CNTNAP5: variants seen among roughly 807,000 people sequenced by gnomAD.
CNTNAP5 encodes the protein contactin-associated protein-like 5.
A neutral mutation model predicts 150.2 loss-of-function variants in CNTNAP5; 72 were observed. That is an observed-to-expected ratio of 0.48 (90% CI 0.40 to 0.58). The LOEUF is 0.58. CNTNAP5 is among the 20% of genes least tolerant of loss of function. The pLI, the probability that CNTNAP5 is intolerant of heterozygous loss-of-function variation, is 0.00. For synonymous variants in CNTNAP5, 672 were observed against 619.8 expected (o/e 1.08, Z -1.25); for missense variants, 1,636 against 1,626.2 (o/e 1.01, Z -0.10).
intron 3 of CNTNAP5, among the ~76,000 whole-genome samples, chr2:124,267,111 T>C (rs1452145694): frequency 1.3e-5 from 2 of 152,154 alleles, no homozygotes; most frequent in Non-Finnish European, 2.9e-5. Context: ...TTTTAAAGAC[T>C]GCCTGCCCCT....
At chr2:124,442,322 C>A (rs1196649791) in intron 5 of CNTNAP5, among the ~76,000 whole-genome samples, 1 of 152,156 alleles carries the variant, frequency 6.6e-6, no homozygotes, top group Non-Finnish European at 1.5e-5. Context: ...TAACCTACTA[C>A]TAGAAGCTTT....
chr2:124,291,045 C>G (rs566596543), intron 3 of CNTNAP5, among the ~76,000 whole-genome samples: 1 of 152,106 alleles, frequency 6.6e-6, no homozygotes, highest in Admixed American at 6.6e-5. Context: ...TGCAACTGAG[C>G]AGAGATATAA....
chr2:124,107,326 T>C (rs1289523477), intron 1 of CNTNAP5, among the ~76,000 whole-genome samples: 4 of 152,198 alleles, frequency 2.6e-5, no homozygotes, highest in Admixed American at 6.5e-5. Flanking sequence ...AGACCACATT[T>C]TGAATCTTCT....
intron 1 of CNTNAP5, among the ~76,000 whole-genome samples, chr2:124,169,268 G>T (rs1458069733): frequency 1.3e-5 from 2 of 152,068 alleles, no homozygotes; most frequent in Non-Finnish European, 2.9e-5. Context: ...CTGGGTTAGG[G>T]ACTGGCTCGG....
At chr2:124,250,154 G>T (rs1687136760) in intron 3 of CNTNAP5, among the ~76,000 whole-genome samples, 1 of 152,104 alleles carries the variant, frequency 6.6e-6, no homozygotes, top group Non-Finnish European at 1.5e-5. Context: ...GTAAAGGAGA[G>T]ATTTCTCAAA....
intron 11 of CNTNAP5, among the ~76,000 whole-genome samples, chr2:124,567,815 G>A (rs892551249): frequency 8.0e-5 from 12 of 150,176 alleles, no homozygotes; most frequent in African/African-American, 2.2e-4. Flanking sequence ...GTTTTTGATT[G>A]TGGGATATTA....
chr2:124,193,689 G>A (rs1203552074), intron 1 of CNTNAP5, among the ~76,000 whole-genome samples: 3 of 152,110 alleles, frequency 2.0e-5, no homozygotes, highest in South Asian at 2.1e-4. Context: ...AGGAGGGAGC[G>A]AAATTTCACC....
chr2:124,863,166 T>G (rs1057067865), intron 19 of CNTNAP5, among the ~76,000 whole-genome samples: 1 of 152,172 alleles, frequency 6.6e-6, no homozygotes, highest in Non-Finnish European at 1.5e-5. Flanking sequence ...TCAACAGCCT[T>G]AAGGAATGTG....
At chr2:124,252,763 C>T (rs1687218081) in intron 3 of CNTNAP5, among the ~76,000 whole-genome samples, 2 of 151,978 alleles carry the variant, frequency 1.3e-5, no homozygotes, top group African/African-American at 4.8e-5. Context: ...TATAACATTG[C>T]TAAAAGACTT....
chr2:124,599,347 AT>A (rs769864380), intron 11 of CNTNAP5, among the ~76,000 whole-genome samples: 3 of 152,106 alleles, frequency 2.0e-5, no homozygotes, highest in African/African-American at 4.8e-5. Flanking sequence ...ATAGTTGTGA[AT>A]TATTTATTTA....
intron 1 of CNTNAP5, among the ~76,000 whole-genome samples, chr2:124,131,918 G>A (rs569529919): frequency 6.6e-5 from 10 of 152,264 alleles, no homozygotes; most frequent in African/African-American, 2.2e-4. Context: ...TCAGGCATGA[G>A]CGTGCAATGG....
intron 1 of CNTNAP5, among the ~76,000 whole-genome samples, chr2:124,071,882 T>C (rs1682313984): frequency 6.6e-6 from 1 of 151,882 alleles, no homozygotes; most frequent in Non-Finnish European, 1.5e-5. Context: ...GGCCAATTTA[T>C]GAGGCTTCTC....
rs1404668977 is a variant in CNTNAP5, at chr2:124,920,138, G to A, written c.*5850G>A. On this transcript the variant is annotated 3_prime_UTR_variant, in exon 24 of 24. Transcript: ENST00000682447. ...TTTATAAAATAGGACAAAATTAGGA[G>A]ATTAGTCCCAAGCCAAGACCAAAGG... Among the ~76,000 whole-genome samples the A allele has an allele frequency of 6.6e-6, 1 of 152,082 alleles. No homozygotes were observed. Among genetic ancestry groups the A allele is most frequent in the Non-Finnish European group, 1.5e-5 (1 of 68,000 alleles).
At chr2:124,459,871 A>G (rs2104819561) in intron 6 of CNTNAP5, among the ~76,000 whole-genome samples, 1 of 152,128 alleles carries the variant, frequency 6.6e-6, no homozygotes, top group East Asian at 1.9e-4. Context: ...TGGTATCTAC[A>G]GCTACAGTGA....
At chr2:124,688,154 G>C (rs1352067639) in intron 13 of CNTNAP5, among the ~76,000 whole-genome samples, 1 of 151,994 alleles carries the variant, frequency 6.6e-6, no homozygotes, top group Non-Finnish European at 1.5e-5. Flanking sequence ...ACTTAACTCT[G>C]TATCAATTGC....
chr2:124,357,179 T>G (rs534878962), intron 3 of CNTNAP5, among the ~76,000 whole-genome samples: 2 of 152,352 alleles, frequency 1.3e-5, no homozygotes, highest in South Asian at 2.1e-4. Context: ...TAAATTTGTT[T>G]GAGTTCATTG....
At chr2:124,755,175 A>G (rs1680813191) in intron 14 of CNTNAP5, among the ~76,000 whole-genome samples, 1 of 152,156 alleles carries the variant, frequency 6.6e-6, no homozygotes, top group Non-Finnish European at 1.5e-5. Flanking sequence ...TCTGGAAAAC[A>G]AAACATAGCT....
At chr2:124,431,538 T>G (rs1692381931) in intron 4 of CNTNAP5, among the ~76,000 whole-genome samples, 1 of 143,902 alleles carries the variant, frequency 6.9e-6, no homozygotes, top group Non-Finnish European at 1.5e-5. Context: ...TAAAATTTCT[T>G]TATATAAATA....
At chr2:124,302,094 A>G (rs1313373633) in intron 3 of CNTNAP5, among the ~76,000 whole-genome samples, 1 of 152,204 alleles carries the variant, frequency 6.6e-6, no homozygotes, top group East Asian at 1.9e-4. Flanking sequence ...TCTGTAAGCC[A>G]TGTAGTGAGG....
Sources: gnomAD v4.1 joint callset for allele counts (sites outside exome capture counted in the v4.1 genomes callset) on GRCh38, gnomAD v4.1.1 for gene constraint, MANE v1.5 for transcripts, NCBI Gene and HGNC (gene_info 2026-07-23, HGNC 2026-07-21) for gene names.